The following BABAM2 variants were observed in gnomAD, a reference collection of about 807,000 sequenced individuals.
BABAM2 encodes the protein BRISC and BRCA1 A complex member 2, also known as BRISC and BRCA1-A complex member 2.
A neutral mutation model predicts 54.7 loss-of-function variants in BABAM2; 31 were observed. The observed-to-expected ratio is 0.57, with a 90% CI of 0.43 to 0.77. BABAM2 has a LOEUF of 0.77. Among genes scored for constraint, BABAM2 ranks in the 30% least tolerant of loss-of-function variants. The probability of loss-of-function intolerance (pLI) is 0.00; values close to 1 mark genes in which losing one functional copy is unlikely to be tolerated. For missense variants in BABAM2, 364 were observed against 455.8 expected, an observed-to-expected ratio of 0.80 and a Z score of 1.83; for synonymous variants, 167 against 162.9, an observed-to-expected ratio of 1.03 and a Z score of -0.19.
chr2:28,122,943 A>T (rs1192482848), intron 6 of BABAM2, among the ~76,000 whole-genome samples: 7 of 152,180 alleles, frequency 4.6e-5, no homozygotes, highest in Non-Finnish European at 1.0e-4. Context: ...ATAAAATCTT[A>T]AGCATAGACT....
intron 10 of BABAM2, among the ~76,000 whole-genome samples, chr2:28,257,611 C>T (rs1451850741): frequency 2.0e-5 from 3 of 152,130 alleles, no homozygotes; most frequent in Non-Finnish European, 4.4e-5. Context: ...AGGCCAGACT[C>T]GGTGGCTCAG....
intron 6 of BABAM2, among the ~76,000 whole-genome samples, chr2:28,088,925 A>T (rs1948923): frequency 1.3e-5 from 2 of 152,112 alleles, no homozygotes; most frequent in African/African-American, 4.8e-5. Context: ...GTGACAAATC[A>T]TAAGCACTAA....
intron 3 of BABAM2, among the ~76,000 whole-genome samples, chr2:27,948,352 A>G (rs536722137): frequency 6.6e-6 from 1 of 152,148 alleles, no homozygotes; most frequent in South Asian, 2.1e-4. Context: ...ACTCCATAAG[A>G]TTTCCTACAT....
At chr2:28,277,554 G>A (rs1685983345) in intron 10 of BABAM2, among the ~76,000 whole-genome samples, 1 of 152,222 alleles carries the variant, frequency 6.6e-6, no homozygotes, top group Non-Finnish European at 1.5e-5. Flanking sequence ...TCACAAAGAT[G>A]TATAATGAAA....
chr2:28,091,519 T>G (rs1666156979), intron 6 of BABAM2, among the ~76,000 whole-genome samples: 1 of 152,186 alleles, frequency 6.6e-6, no homozygotes, highest in Admixed American at 6.6e-5. Context: ...ACCAAAGATG[T>G]TAAGTTGGTG....
chr2:28,248,641 A>G (rs1319131503), intron 10 of BABAM2, among the ~76,000 whole-genome samples: 2 of 152,188 alleles, frequency 1.3e-5, no homozygotes, highest in Non-Finnish European at 2.9e-5. Context: ...CTGTAAGTAG[A>G]CACACAAGGA....
chr2:27,925,077 A>G (rs1397396946), intron 2 of BABAM2, among the ~76,000 whole-genome samples: 1 of 152,150 alleles, frequency 6.6e-6, no homozygotes, highest in Admixed American at 6.5e-5. Flanking sequence ...TGGAGATTAT[A>G]ATTTTGACTT....
At chr2:28,212,999 A>G (rs1454099746) in intron 7 of BABAM2, among the ~76,000 whole-genome samples, 1 of 152,210 alleles carries the variant, frequency 6.6e-6, no homozygotes, top group Non-Finnish European at 1.5e-5. Context: ...TGGGTGGATC[A>G]TTTGAGCCCA....
chr2:28,213,256 C>T (rs906612626), intron 7 of BABAM2, among the ~76,000 whole-genome samples: 12 of 151,832 alleles, frequency 7.9e-5, no homozygotes, highest in African/African-American at 2.9e-4. Context: ...AATTATTAAG[C>T]TTTTATATGG....
chr2:28,250,230 A>C (rs2148098590), intron 10 of BABAM2, among the ~76,000 whole-genome samples: 1 of 152,068 alleles, frequency 6.6e-6, no homozygotes, highest in East Asian at 1.9e-4. Context: ...GTCCCTGTGC[A>C]AAAGCCCTGA....
intron 3 of BABAM2, among the ~76,000 whole-genome samples, chr2:27,983,719 A>T (rs1672182081): frequency 1.3e-5 from 2 of 151,900 alleles, no homozygotes; most frequent in African/African-American, 4.8e-5. Flanking sequence ...TTTTGATCTC[A>T]TTGTAAATGG....
At chr2:28,319,767 C>T (rs1689866270) in intron 11 of BABAM2, among the ~76,000 whole-genome samples, 1 of 152,244 alleles carries the variant, frequency 6.6e-6, no homozygotes, top group African/African-American at 2.4e-5. Context: ...CAAGCCTTGG[C>T]TCCTCCTGCC....
intron 3 of BABAM2, among the ~76,000 whole-genome samples, 156 bp from the exon 4 acceptor site, chr2:27,987,837 T>A (rs938091213): frequency 1.3e-5 from 2 of 150,498 alleles, no homozygotes; most frequent in African/African-American, 4.9e-5. Flanking sequence ...AAAAAAGATA[T>A]CAGTTTATTT....
intron 3 of BABAM2, among the ~76,000 whole-genome samples, chr2:27,969,386 G>A (rs550899846): frequency 6.6e-6 from 1 of 152,252 alleles, no homozygotes; most frequent in East Asian, 1.9e-4. Context: ...GCCAAAATAG[G>A]GTGCATTGAA....
chr2:28,150,639 C>A (rs922705529), intron 7 of BABAM2, among the ~76,000 whole-genome samples: 1 of 152,204 alleles, frequency 6.6e-6, no homozygotes, highest in Non-Finnish European at 1.5e-5. Context: ...AGTTAGAAAG[C>A]TGCTTGGAAA....
chr2:28,261,085 G>A (rs1196450556), intron 10 of BABAM2, among the ~76,000 whole-genome samples: 2 of 150,838 alleles, frequency 1.3e-5, no homozygotes, highest in South Asian at 2.1e-4. Context: ...GGTATTACAG[G>A]CACACACCAC....
chr2:28,178,654 A>T, intron 7 of BABAM2, among the ~76,000 whole-genome samples: 1 of 151,486 alleles, frequency 6.6e-6, no homozygotes, highest in Non-Finnish European at 1.5e-5. Flanking sequence ...AAAGATCTAA[A>T]TAAAAAAGAG....
intron 3 of BABAM2, among the ~76,000 whole-genome samples, chr2:27,978,606 G>A (rs1045377755): frequency 6.6e-6 from 1 of 152,146 alleles, no homozygotes; most frequent in African/African-American, 2.4e-5. Context: ...ATCATTGGCA[G>A]AAAACCAGTC....
chr2:28,094,196 T>C (rs1308965750), intron 6 of BABAM2, among the ~76,000 whole-genome samples: 1 of 152,164 alleles, frequency 6.6e-6, no homozygotes, highest in Non-Finnish European at 1.5e-5. Context: ...TAGAGAGAGA[T>C]GATTGTGTTT....
Sources: gnomAD v4.1 joint callset for allele counts (sites outside exome capture counted in the v4.1 genomes callset) on GRCh38, gnomAD v4.1.1 for gene constraint, MANE v1.5 for transcripts, NCBI Gene and HGNC (gene_info 2026-07-23, HGNC 2026-07-21) for gene names.